KCNAB1: variants seen among roughly 807,000 people sequenced by gnomAD.
KCNAB1 encodes potassium voltage-gated channel subfamily A regulatory beta subunit 1.
A neutral mutation model predicts 64.6 loss-of-function variants in KCNAB1; 35 were observed. The observed-to-expected ratio is 0.54, with a 90% confidence interval of 0.41 to 0.72. The LOEUF is 0.72. KCNAB1 is among the 30% of genes least tolerant of loss of function. The pLI is 0.00. For missense variants in KCNAB1, 401 were observed against 512.9 expected (o/e 0.78, Z 2.11); for synonymous variants, 177 against 183.8 (o/e 0.96, Z 0.30).
chr3:156,509,077 G>C (rs1010897413), intron 8 of KCNAB1, among the ~76,000 whole-genome samples: 2 of 151,890 alleles, frequency 1.3e-5, no homozygotes, highest in African/African-American at 2.4e-5. Flanking sequence ...GGAGTGGGGC[G>C]GAGGGGAAAG....
intron 1 of KCNAB1, among the ~76,000 whole-genome samples, chr3:156,139,704 T>C (rs1156930539): frequency 2.7e-5 from 4 of 150,190 alleles, no homozygotes; most frequent in Admixed American, 1.4e-4. Context: ...TGGAAATAGG[T>C]TTATGAGAGA....
intron 8 of KCNAB1, among the ~76,000 whole-genome samples, chr3:156,494,971 C>G (rs1187457604): frequency 6.6e-6 from 1 of 152,010 alleles, no homozygotes; most frequent in Non-Finnish European, 1.5e-5. Flanking sequence ...TCGCATGACC[C>G]AGGTATTAAG....
At chr3:156,539,047 C>CTT (rs1193043096), downstream of KCNAB1, 1 of 151,950 alleles carries the variant, frequency 6.6e-6, no homozygotes, top group East Asian at 1.9e-4. Context: ...TAGTTATGTC[C>CTT]TTAAGAAAAA....
In KCNAB1 at chr3:156,457,490, G is replaced by T; in HGVS notation, c.395G>T (p.Gly132Val). Reference protein sequence around the residue: ...ERLMTIAYESGVNLFDTAEVY... With the variant: ...ERLMTIAYESVVNLFDTAEVY... The stretch of plus-strand genomic sequence containing the variant: ...CTGATGACCATCGCCTATGAAAGTG[G>T]TGTTAACCTCTTTGATACTGCCGAA... The change falls in exon 4 of 14, where the codon GGT (glycine) becomes GTT (valine). Residue 132 changes from glycine (G) to valine (V), a missense_variant. Coordinates refer to ENST00000490337, the MANE Select transcript of KCNAB1 (RefSeq NM_172160.3). 1 of 1,613,928 alleles carries T rather than the reference G, an allele frequency of 6.2e-7. No homozygotes were observed. Among genetic ancestry groups the T allele is most frequent in the Non-Finnish European group, 8.5e-7 (1 of 1,179,862 alleles).
intron 1 of KCNAB1, among the ~76,000 whole-genome samples, chr3:156,198,613 C>A (rs35385722): frequency 1.7e-4 from 24 of 139,488 alleles, no homozygotes; most frequent in African/African-American, 5.9e-4. Context: ...ATTGCAAACC[C>A]TGCTTTTTTT....
chr3:156,421,533 A>T, intron 1 of KCNAB1, 83 bp from the exon 2 acceptor site: 1 of 1,414,080 alleles, frequency 7.1e-7, no homozygotes, highest in Non-Finnish European at 9.9e-7. Flanking sequence ...GAATCTGCCA[A>T]AATGGAGATA....
chr3:156,301,898 G>A (rs990715881), intron 1 of KCNAB1, among the ~76,000 whole-genome samples: 18 of 152,272 alleles, frequency 1.2e-4, no homozygotes, highest in African/African-American at 4.1e-4. Flanking sequence ...TCCTTAAGAA[G>A]CAAAGCTGTA....
At chr3:156,127,884 G>GGTGT (rs10576749) in intron 1 of KCNAB1, among the ~76,000 whole-genome samples, 6,832 of 147,512 alleles carry the variant, frequency 0.046, 314 homozygotes, top group East Asian at 0.18. Flanking sequence ...CTTCATTTGG[G>GGTGT]GTGTGTGTGT....
chr3:156,329,437 T>G (rs1723188202), intron 1 of KCNAB1, among the ~76,000 whole-genome samples: 1 of 152,060 alleles, frequency 6.6e-6, no homozygotes, highest in Non-Finnish European at 1.5e-5. Context: ...CTTCTACATT[T>G]AGAGATCCAA....
At chr3:156,351,808 T>C (rs1402266550) in intron 1 of KCNAB1, among the ~76,000 whole-genome samples, 1 of 152,226 alleles carries the variant, frequency 6.6e-6, no homozygotes, top group Non-Finnish European at 1.5e-5. Context: ...TCTCTCTCCC[T>C]GCCTTCCTCT....
At chr3:156,482,711 G>A (rs183828358) in intron 8 of KCNAB1, among the ~76,000 whole-genome samples, 4 of 152,148 alleles carry the variant, frequency 2.6e-5, no homozygotes, top group East Asian at 1.9e-4. Context: ...TCTGTAGAAC[G>A]TAGGTAATAA....
intron 1 of KCNAB1, among the ~76,000 whole-genome samples, chr3:156,136,171 T>C (rs536214573): frequency 6.6e-6 from 1 of 152,332 alleles, no homozygotes; most frequent in East Asian, 1.9e-4. Flanking sequence ...TTGTGCAGTG[T>C]ATGTGGTAAC....
At chr3:156,237,241 A>T (rs529246706) in intron 1 of KCNAB1, among the ~76,000 whole-genome samples, 1 of 152,244 alleles carries the variant, frequency 6.6e-6, no homozygotes, top group Non-Finnish European at 1.5e-5. Flanking sequence ...GTCTAGAATT[A>T]TCTCAGATTT....
chr3:156,287,597 C>T (rs527893675), intron 1 of KCNAB1, among the ~76,000 whole-genome samples: 201 of 152,020 alleles, frequency 1.3e-3, no homozygotes, highest in South Asian at 2.7e-3. Context: ...TGTGGGAGGC[C>T]GAGGTGGGCA....
chr3:156,285,849 C>T (rs972812738), intron 1 of KCNAB1, among the ~76,000 whole-genome samples: 1 of 152,216 alleles, frequency 6.6e-6, no homozygotes, highest in Admixed American at 6.5e-5. Context: ...CACTATGGCA[C>T]CTTGCCTTGA....
At chr3:156,243,646 A>G (rs1033938046) in intron 1 of KCNAB1, among the ~76,000 whole-genome samples, 2 of 152,232 alleles carry the variant, frequency 1.3e-5, no homozygotes, top group African/African-American at 4.8e-5. Context: ...TTTTGTAGGG[A>G]AACTCCTAAA....
At chr3:156,516,211 G>A (rs1717548999) in intron 10 of KCNAB1, 59 bp from the exon 11 acceptor site, 24 of 1,238,732 alleles carry the variant, frequency 1.9e-5, no homozygotes, top group Admixed American at 6.8e-5. Context: ...TGCCCCCACC[G>A]CCACCCACCT....
chr3:156,232,908 T>C (rs1377235586), intron 1 of KCNAB1, among the ~76,000 whole-genome samples: 1 of 151,592 alleles, frequency 6.6e-6, no homozygotes, highest in African/African-American at 2.4e-5. Flanking sequence ...TCATTTTTTT[T>C]CGCTTCCTTT....
At chr3:156,221,787 A>C (rs4680247) in intron 1 of KCNAB1, among the ~76,000 whole-genome samples, 76,911 of 136,096 alleles carry the variant, frequency 0.57, 22,461 homozygotes, top group East Asian at 0.88. Context: ...CCCCCCCGCC[A>C]AAAAAAAAGT....
Sources: gnomAD v4.1 joint callset for allele counts (sites outside exome capture counted in the v4.1 genomes callset) on GRCh38, gnomAD v4.1.1 for gene constraint, MANE v1.5 for transcripts, NCBI Gene and HGNC (gene_info 2026-07-23, HGNC 2026-07-21) for gene names.